The following GNB1 variants were observed in gnomAD, a reference collection of about 807,000 sequenced individuals.
GNB1 encodes guanine nucleotide-binding protein G(I)/G(S)/G(T) subunit beta-1.
A neutral mutation model predicts 42.9 loss-of-function variants in GNB1; 2 were observed. The observed-to-expected ratio is 0.05, with a 90% CI of 0.02 to 0.15. The LOEUF (loss-of-function observed/expected upper bound fraction) is 0.15. Among genes scored for constraint, GNB1 ranks in the 10% least tolerant of loss-of-function variants. GNB1 has a pLI of 1.00. For synonymous variants in GNB1, 183 were observed against 174.7 expected (o/e 1.05, Z -0.38); for missense variants, 193 against 462.2 (o/e 0.42, Z 5.34).
Position 1,790,277 on chromosome 1 carries a change from G to T in GNB1, c.699+118C>A. 1.4e-6 allele frequency: 1 copy of T among 701,032 alleles called. No individual in the cohort carries two copies. The highest frequency in any genetic ancestry group is 2.5e-6 in the Non-Finnish European group (1 of 396,752). 43.4% of individuals were successfully genotyped at this position (701,032 alleles called of 1,614,324 possible). Reference sequence around the variant, plus strand: ...GTTTTCTGTATCCCCATCTGTACATGAGGTTGTATAAGGATCAGAAAGGAG... The same window carrying T: ...GTTTTCTGTATCCCCATCTGTACATTAGGTTGTATAAGGATCAGAAAGGAG... On this transcript the variant is annotated intron_variant, in intron 9 of 11. Coordinates refer to ENST00000378609, the MANE Select transcript of GNB1 (RefSeq NM_002074.5). The surrounding 1 kb of genome is among the most constrained non-coding windows in gnomAD (Gnocchi z 5.4).
chr1:1,837,926 G>A (rs1647174327), intron 2 of GNB1, among the ~76,000 whole-genome samples: 1 of 152,052 alleles, frequency 6.6e-6, no homozygotes, highest in Non-Finnish European at 1.5e-5. Context: ...TGACTAACCA[G>A]GCGTGGTGGC....
intron 5 of GNB1, among the ~76,000 whole-genome samples, chr1:1,806,832 G>T (rs924833468): frequency 1.3e-5 from 2 of 152,048 alleles, no homozygotes; most frequent in Non-Finnish European, 2.9e-5. Flanking sequence ...AAATTAGCCG[G>T]GCATGGTAGT....
chr1:1,875,513 ATTTTG>A (rs1246250123), intron 1 of GNB1, among the ~76,000 whole-genome samples: 1 of 150,666 alleles, frequency 6.6e-6, no homozygotes. Context: ...TACCTTTTCT[ATTTTG>A]TTTTGTTTTA....
intron 1 of GNB1, among the ~76,000 whole-genome samples, chr1:1,874,605 TAAAAAAAAAAAAA>T (rs34864042): frequency 3.8e-4 from 18 of 47,026 alleles, no homozygotes; most frequent in East Asian, 9.2e-4. Context: ...AGACTCCATC[TAAAAAAAAAAAAA>T]AAAAAAAAAA....
intron 5 of GNB1, among the ~76,000 whole-genome samples, chr1:1,812,424 A>ACG (rs1646794971): frequency 6.6e-6 from 1 of 150,774 alleles, no homozygotes; most frequent in African/African-American, 2.4e-5. Context: ...ACACACACAC[A>ACG]CACACCCTCC....
chr1:1,822,633 G>A (rs535674331), intron 3 of GNB1, among the ~76,000 whole-genome samples: 241 of 152,150 alleles, frequency 1.6e-3, no homozygotes, highest in African/African-American at 5.6e-3. Context: ...CATTTTTTAT[G>A]TGGCAACAAG....
intron 2 of GNB1, chr1:1,832,170 A>G (rs1350875215): frequency 6.6e-6 from 1 of 152,188 alleles, no homozygotes. Flanking sequence ...ACTAAACGTA[A>G]TATTGATGCA....
intron 1 of GNB1, among the ~76,000 whole-genome samples, chr1:1,863,993 T>C (rs1648774222): frequency 1.3e-5 from 2 of 152,098 alleles, no homozygotes; most frequent in African/African-American, 2.4e-5. Flanking sequence ...TTGGGCAACA[T>C]AGTTGGACCC....
intron 2 of GNB1, among the ~76,000 whole-genome samples, chr1:1,828,894 TAC>T (rs71578341): frequency 9.5e-4 from 142 of 149,780 alleles, no homozygotes; most frequent in African/African-American, 3.0e-3. Context: ...CATACACACA[TAC>T]ACACACACAC....
At chr1:1,881,646 C>A (rs142567618) in intron 1 of GNB1, among the ~76,000 whole-genome samples, 3 of 152,232 alleles carry the variant, frequency 2.0e-5, no homozygotes, top group Admixed American at 1.3e-4. Context: ...GTGATCCGCC[C>A]GCCCTGGCCT....
intron 7 of GNB1, chr1:1,793,670 G>C (rs1300144108): frequency 5.8e-6 from 1 of 171,758 alleles, no homozygotes; most frequent in African/African-American, 2.4e-5. Context: ...GCTGACTCCA[G>C]TGCCCAGGAA....
chr1:1,840,410 C>G (rs1310437543), intron 1 of GNB1, among the ~76,000 whole-genome samples: 1 of 152,134 alleles, frequency 6.6e-6, no homozygotes, highest in Non-Finnish European at 1.5e-5. Flanking sequence ...CACCTGTAGT[C>G]CCAGCTACTC....
At chr1:1,864,806 T>G (rs527654483) in intron 1 of GNB1, among the ~76,000 whole-genome samples, 2 of 152,310 alleles carry the variant, frequency 1.3e-5, no homozygotes, top group Admixed American at 6.5e-5. Flanking sequence ...CATCTTAGAG[T>G]GCTCACTTAC....
intron 3 of GNB1, among the ~76,000 whole-genome samples, chr1:1,821,817 A>C (rs1234703698): frequency 6.6e-6 from 1 of 152,230 alleles, no homozygotes; most frequent in African/African-American, 2.4e-5. Flanking sequence ...ATTGCATAAT[A>C]AATAATATTT....
intron 1 of GNB1, among the ~76,000 whole-genome samples, chr1:1,851,744 T>C (rs897648719): frequency 2.6e-5 from 4 of 152,040 alleles, no homozygotes; most frequent in Non-Finnish European, 4.4e-5. Context: ...AGACTGAATG[T>C]CTGTTAAACA....
chr1:1,883,492 T>C (rs983197767), intron 1 of GNB1, among the ~76,000 whole-genome samples: 1 of 152,158 alleles, frequency 6.6e-6, no homozygotes, highest in African/African-American at 2.4e-5. Context: ...TTGTTAACCT[T>C]GCCATAAAAG....
At chr1:1,803,328 TCG>T (rs1463631748) in intron 7 of GNB1, among the ~76,000 whole-genome samples, 10 of 152,236 alleles carry the variant, frequency 6.6e-5, no homozygotes, top group Non-Finnish European at 1.5e-4. Context: ...AGACAGGGTC[TCG>T]CTTTCGCCCA....
At position 1,806,469 on chromosome 1, in the gene GNB1, C is replaced by A; in HGVS notation, c.267+6G>T. Reference sequence around the variant, plus strand: ...TTTTCAAGGAAGGGAATCCTCCAGTCCCTACCTTGTTGGTGGTGTAGCTGT... The same window carrying A: ...TTTTCAAGGAAGGGAATCCTCCAGTACCTACCTTGTTGGTGGTGTAGCTGT... On this transcript the variant is annotated splice_donor_region_variant and intron_variant, in intron 6 of 11. Transcript: ENST00000378609. 1 of 1,582,210 alleles carries A rather than the reference C, an allele frequency of 6.3e-7. No individual in the cohort carries two copies. Among genetic ancestry groups the A allele is most frequent in the South Asian group, 1.1e-5 (1 of 90,284 alleles).
chr1:1,806,998 G>C (rs377389653), intron 5 of GNB1, among the ~76,000 whole-genome samples: 1 of 151,548 alleles, frequency 6.6e-6, no homozygotes, highest in African/African-American at 2.4e-5. Flanking sequence ...GAAAGGAAAG[G>C]AAGGCTCTAA....
Sources: allele counts gnomAD v4.1 joint callset (sites outside exome capture counted in the v4.1 genomes callset), GRCh38; gene constraint gnomAD v4.1.1; non-coding constraint Gnocchi (gnomAD v3.1); transcripts MANE v1.5; gene names NCBI Gene and HGNC (gene_info 2026-07-23, HGNC 2026-07-21).